LRFN2: variants seen among roughly 807,000 people sequenced by gnomAD.
The protein encoded by LRFN2 is leucine rich repeat and fibronectin type III domain containing 2.
Under a neutral mutation model 37.3 loss-of-function variants are expected in LRFN2, and 18 were observed. That is an observed-to-expected ratio of 0.48 (90% CI 0.33 to 0.72). The LOEUF (loss-of-function observed/expected upper bound fraction) is 0.72. Among genes scored for constraint, LRFN2 ranks in the 30% least tolerant of loss-of-function variants. The pLI, the probability that LRFN2 is intolerant of heterozygous loss-of-function variation, is 0.02. For missense variants in LRFN2, 1,006 were observed against 1,060.7 expected, an observed-to-expected ratio of 0.95 and a Z score of 0.72; for synonymous variants, 556 against 466.6, an observed-to-expected ratio of 1.19 and a Z score of -2.47.
At chr6:40,520,801 A>G (rs1052442084) in intron 1 of LRFN2, among the ~76,000 whole-genome samples, 2 of 152,154 alleles carry the variant, frequency 1.3e-5, no homozygotes, top group African/African-American at 4.8e-5. Context: ...CGTGGTCTCC[A>G]TGGCAGATGC....
intron 1 of LRFN2, among the ~76,000 whole-genome samples, chr6:40,552,089 C>A (rs1205101412): frequency 6.6e-6 from 1 of 152,188 alleles, no homozygotes; most frequent in Non-Finnish European, 1.5e-5. Context: ...TTGTTTCATT[C>A]TCTAACACCG....
At chr6:40,418,899 C>T (rs1311144010) in intron 2 of LRFN2, among the ~76,000 whole-genome samples, 4 of 152,222 alleles carry the variant, frequency 2.6e-5, no homozygotes, top group Non-Finnish European at 4.4e-5. Context: ...CTGCCCTCTT[C>T]CAACCTCTGC....
chr6:40,393,618 A>G (rs28549332), intron 2 of LRFN2, among the ~76,000 whole-genome samples: 1 of 152,126 alleles, frequency 6.6e-6, no homozygotes, highest in South Asian at 2.1e-4. Context: ...TCCCTCCTTC[A>G]TGCCTGCTAC....
At chr6:40,439,406 C>T (rs1445719504) in intron 1 of LRFN2, among the ~76,000 whole-genome samples, 1 of 152,184 alleles carries the variant, frequency 6.6e-6, no homozygotes. Context: ...CCACTGCTCC[C>T]CATAAATCAC....
intron 1 of LRFN2, among the ~76,000 whole-genome samples, chr6:40,444,278 G>T (rs1301867931): frequency 1.3e-5 from 2 of 152,152 alleles, no homozygotes; most frequent in Non-Finnish European, 2.9e-5. Flanking sequence ...AAAGAAGGGG[G>T]AAAAGGAGAA....
At chr6:40,492,832 G>A (rs542296037) in intron 1 of LRFN2, among the ~76,000 whole-genome samples, 4 of 152,256 alleles carry the variant, frequency 2.6e-5, no homozygotes, top group Non-Finnish European at 4.4e-5. Context: ...GGGGTCACAG[G>A]AACACCCCTC....
intron 1 of LRFN2, among the ~76,000 whole-genome samples, chr6:40,545,167 A>G (rs937077733): frequency 2.6e-5 from 4 of 152,214 alleles, no homozygotes; most frequent in Non-Finnish European, 4.4e-5. Context: ...CACATAATAA[A>G]TGCTTCATTA....
At chr6:40,457,748 G>T (rs867045048) in intron 1 of LRFN2, among the ~76,000 whole-genome samples, 9 of 151,918 alleles carry the variant, frequency 5.9e-5, no homozygotes, top group Middle Eastern at 3.2e-3. Context: ...ACGTGTGGTA[G>T]ATGTGATGAA....
At chr6:40,453,588 C>A (rs553750788) in intron 1 of LRFN2, among the ~76,000 whole-genome samples, 1 of 151,382 alleles carries the variant, frequency 6.6e-6, no homozygotes, top group Non-Finnish European at 1.5e-5. Context: ...AACACACATA[C>A]CTCTCTTTGC....
At chr6:40,429,431 A>G (rs2113821738) in intron 2 of LRFN2, among the ~76,000 whole-genome samples, 1 of 152,378 alleles carries the variant, frequency 6.6e-6, no homozygotes, top group East Asian at 1.9e-4. Context: ...TATCAAAATC[A>G]TGACCATATA....
chr6:40,426,016 C>G (rs530350846), intron 2 of LRFN2, among the ~76,000 whole-genome samples: 4 of 152,250 alleles, frequency 2.6e-5, no homozygotes, highest in South Asian at 2.1e-4. Context: ...GGTGACCTGT[C>G]AATGGCCTAT....
At chr6:40,508,340 C>T (rs552980043) in intron 1 of LRFN2, among the ~76,000 whole-genome samples, 1 of 152,248 alleles carries the variant, frequency 6.6e-6, no homozygotes. Context: ...TCTCCCACCC[C>T]ACAGCTTCCC....
chr6:40,403,778 C>T (rs1171155265), intron 2 of LRFN2, among the ~76,000 whole-genome samples: 1 of 152,156 alleles, frequency 6.6e-6, no homozygotes, highest in Admixed American at 6.5e-5. Context: ...TGTTAAAACC[C>T]AGGTCACATC....
chr6:40,547,759 C>A (rs1356388738), intron 1 of LRFN2, among the ~76,000 whole-genome samples: 1 of 152,090 alleles, frequency 6.6e-6, no homozygotes, highest in Non-Finnish European at 1.5e-5. Flanking sequence ...AGGTGACATA[C>A]CTGGTGAGAC....
intron 1 of LRFN2, among the ~76,000 whole-genome samples, chr6:40,445,948 A>G (rs1018329103): frequency 6.6e-6 from 1 of 152,202 alleles, no homozygotes; most frequent in Non-Finnish European, 1.5e-5. Context: ...ATAAAATCTC[A>G]AAACAGTGTT....
At chr6:40,412,511 G>A (rs1317565802) in intron 2 of LRFN2, among the ~76,000 whole-genome samples, 1 of 152,166 alleles carries the variant, frequency 6.6e-6, no homozygotes, top group Non-Finnish European at 1.5e-5. Flanking sequence ...TGCAGGACCT[G>A]GAGCTCTGGC....
intron 1 of LRFN2, among the ~76,000 whole-genome samples, chr6:40,515,429 T>C (rs1765837387): frequency 6.6e-6 from 1 of 152,170 alleles, no homozygotes; most frequent in African/African-American, 2.4e-5. Flanking sequence ...TGTTGGGGGT[T>C]TGAATCCCAG....
chr6:40,575,793 G>C (rs570023251), intron 1 of LRFN2, among the ~76,000 whole-genome samples: 3 of 152,124 alleles, frequency 2.0e-5, no homozygotes, highest in Non-Finnish European at 2.9e-5. Flanking sequence ...GGAGCTGGCT[G>C]CTGGGGTTTG....
At chr6:40,461,123 T>C (rs968657476) in intron 1 of LRFN2, among the ~76,000 whole-genome samples, 1 of 152,180 alleles carries the variant, frequency 6.6e-6, no homozygotes, top group Non-Finnish European at 1.5e-5. Context: ...TTTTACACAC[T>C]GGGCTGGGCG....
Sources: allele counts gnomAD v4.1 joint callset (sites outside exome capture counted in the v4.1 genomes callset), GRCh38; gene constraint gnomAD v4.1.1; transcripts MANE v1.5; gene names NCBI Gene and HGNC (gene_info 2026-07-23, HGNC 2026-07-21).